Variants in C15orf62 observed in about 807,000 individuals in gnomAD.
C15orf62 encodes chromosome 15 open reading frame 62.
In C15orf62, 11 loss-of-function variants were observed where a neutral mutation model predicts 13.2. The observed-to-expected ratio is 0.83, with a 90% CI of 0.52 to 1.38. The LOEUF (loss-of-function observed/expected upper bound fraction) is 1.38, where lower values mean the gene tolerates loss of function less well. C15orf62 is among the 40% of genes most tolerant of loss of function. The pLI is 0.00. For synonymous variants in C15orf62, 88 were observed against 95.6 expected (o/e 0.92, Z 0.46); for missense variants, 204 against 229.1 (o/e 0.89, Z 0.71).
Position 40,770,485 on chromosome 15 carries a change from C to T in C15orf62, c.-11C>T. The T allele has an allele frequency of 6.5e-7, 1 of 1,544,916 alleles. No homozygotes were observed. The highest frequency in any genetic ancestry group is 8.7e-7 in the Non-Finnish European group (1 of 1,144,456). On this transcript the variant is annotated 5_prime_UTR_variant, in exon 1 of 1. Coordinates refer to ENST00000344320, the MANE Select transcript of C15orf62 (RefSeq NM_001130448.3). The surrounding 1 kb of genome is among the most constrained non-coding windows in gnomAD (Gnocchi z 5.0). ...CTCCTGAACACCTGTCTGCTGGCTC[C>T]CCTGGGCCCCATGGAGACCTGGCGG...
Position 40,770,907 on chromosome 15 carries a change from C to G in C15orf62, c.412C>G (p.Pro138Ala). ...LVDTPCFQRTPTPDLSDPFLS... is the reference protein window; with the variant it reads ...LVDTPCFQRTATPDLSDPFLS... ...GGACACTCCCTGCTTCCAGAGGACACCTACCCCAGACCTCAGTGATCCCTT... is the reference window on the plus strand; with the variant it reads ...GGACACTCCCTGCTTCCAGAGGACAGCTACCCCAGACCTCAGTGATCCCTT... Residue 138 changes from proline to alanine, a missense_variant, in exon 1 of 1, where the codon CCT (proline) becomes GCT (alanine). Physicochemically the swap from Pro to Ala is conservative, Grantham distance 27. Transcript: ENST00000344320. This position sits in a 1 kb window ranked among gnomAD's most constrained non-coding sequence, Gnocchi z 5.0. 2 of 1,551,518 alleles carry G rather than the reference C, an allele frequency of 1.3e-6. No individual in the cohort carries two copies. Among genetic ancestry groups the G allele is most frequent in the Non-Finnish European group, 1.7e-6 (2 of 1,147,006 alleles).
chr15:40,770,792 AC>A lies in C15orf62; in HGVS notation c.299del (p.Pro100LeufsTer66). Reference sequence around the variant, plus strand: ...GCTGCCCCAACATCCTGGAGCCCCCACCTGCCTACACAGCAGCCTACTCTGC... The same window carrying A: ...GCTGCCCCAACATCCTGGAGCCCCCACTGCCTACACAGCAGCCTACTCTGC... ...SSCPNILEPP[P>X]AYTAAYSATL... On this transcript the variant is annotated frameshift_variant, in exon 1 of 1. Coordinates refer to ENST00000344320, the MANE Select transcript of C15orf62 (RefSeq NM_001130448.3). LOFTEE classifies it high-confidence loss of function. The surrounding 1 kb of genome is among the most constrained non-coding windows in gnomAD (Gnocchi z 5.0). 1.3e-6 allele frequency: 2 copies of A among 1,547,184 alleles called. No individual in the cohort carries two copies. Among genetic ancestry groups the A allele is most frequent in the South Asian group, 1.2e-5 (1 of 83,924 alleles).
In C15orf62 at chr15:40,771,049, G is replaced by A; in HGVS notation, c.*26G>A. On this transcript the variant is annotated 3_prime_UTR_variant, in exon 1 of 1. Coordinates refer to ENST00000344320, the MANE Select transcript of C15orf62 (RefSeq NM_001130448.3). ...ATGGGGTGAGGGTGGGCAAAGCCGGGGTGACTGGAAGATCCAGAGGCTGGG... is the reference window on the plus strand; with the variant it reads ...ATGGGGTGAGGGTGGGCAAAGCCGGAGTGACTGGAAGATCCAGAGGCTGGG... 1 of 1,544,084 alleles carries A rather than the reference G, an allele frequency of 6.5e-7. No homozygotes were observed.
At position 40,771,365 on chromosome 15, in the gene C15orf62, G is replaced by C; in HGVS notation, c.*342G>C. ...TGCGGCACTACAGGAACCAGGTAGA[G>C]GCTGGCAGAGCCAGAAGGTGGCACG... On this transcript the variant is annotated 3_prime_UTR_variant, in exon 1 of 1. Coordinates refer to ENST00000344320, the MANE Select transcript of C15orf62 (RefSeq NM_001130448.3). The C allele has an allele frequency of 3.1e-6, 1 of 326,336 alleles. No homozygotes were observed. Among genetic ancestry groups the C allele is most frequent in the Non-Finnish European group, 6.0e-6 (1 of 165,432 alleles). The allele number at this position is 326,336 out of a possible 1,614,324, so 20.2% of individuals were successfully genotyped here.
chr15:40,770,807 AG>A lies in C15orf62; in HGVS notation c.313del (p.Ala105ProfsTer61). 6.5e-7 allele frequency: 1 copy of A among 1,550,100 alleles called. No individual in the cohort carries two copies. The highest frequency in any genetic ancestry group is 1.2e-5 in the South Asian group (1 of 84,036). Reference sequence around the variant, plus strand: ...TGGAGCCCCCACCTGCCTACACAGCAGCCTACTCTGCCACCCTGCCATCGGC... The same window carrying A: ...TGGAGCCCCCACCTGCCTACACAGCACCTACTCTGCCACCCTGCCATCGGC... ...ILEPPPAYTA[A>X]YSATLPSALS... On this transcript the variant is annotated frameshift_variant, in exon 1 of 1. Transcript: ENST00000344320. LOFTEE classifies it high-confidence loss of function. The surrounding 1 kb of genome is among the most constrained non-coding windows in gnomAD (Gnocchi z 5.0).
chr15:40,770,906 A>AC lies in C15orf62; in HGVS notation c.413dup (p.Thr139TyrfsTer6). On this transcript the variant is annotated frameshift_variant, in exon 1 of 1. Transcript: ENST00000344320. LOFTEE classifies it high-confidence loss of function. This position sits in a 1 kb window ranked among gnomAD's most constrained non-coding sequence, Gnocchi z 5.0. ...TGGACACTCCCTGCTTCCAGAGGAC[A>AC]CCTACCCCAGACCTCAGTGATCCCT... is the stretch of plus-strand genomic sequence containing the variant. 1 of 1,551,414 alleles carries AC rather than the reference A, an allele frequency of 6.4e-7. No homozygotes were observed. The highest frequency in any genetic ancestry group is 8.7e-7 in the Non-Finnish European group (1 of 1,146,994).
chr15:40,770,462 C>T lies in C15orf62; in HGVS notation c.-34C>T, dbSNP rs1301812507. Reference sequence around the variant, plus strand: ...AGGGACCACATGCACCCTGGCTGCTCCTGAACACCTGTCTGCTGGCTCCCC... The same window carrying T: ...AGGGACCACATGCACCCTGGCTGCTTCTGAACACCTGTCTGCTGGCTCCCC... On this transcript the variant is annotated 5_prime_UTR_variant, in exon 1 of 1. Transcript: ENST00000344320. This position sits in a 1 kb window ranked among gnomAD's most constrained non-coding sequence, Gnocchi z 5.0. The T allele has an allele frequency of 3.3e-6, 5 of 1,525,728 alleles. No individual in the cohort carries two copies. The Admixed American group carries it at 8.3e-5, about 25-fold the overall frequency. 94.5% of individuals were successfully genotyped at this position (1,525,728 alleles called of 1,614,324 possible).
chr15:40,770,456 G>GCTGCTCCTGAACACCTGT lies in C15orf62; in HGVS notation c.-34_-17dup. 2 of 1,517,136 alleles carry GCTGCTCCTGAACACCTGT rather than the reference G, an allele frequency of 1.3e-6. No homozygotes were observed. Among genetic ancestry groups the GCTGCTCCTGAACACCTGT allele is most frequent in the Non-Finnish European group, 1.8e-6 (2 of 1,132,036 alleles). 94.0% of individuals were successfully genotyped at this position (1,517,136 alleles called of 1,614,324 possible). On this transcript the variant is annotated 5_prime_UTR_variant, in exon 1 of 1. Coordinates refer to ENST00000344320, the MANE Select transcript of C15orf62 (RefSeq NM_001130448.3). This position sits in a 1 kb window ranked among gnomAD's most constrained non-coding sequence, Gnocchi z 5.0. ...CCCAGCAGGGACCACATGCACCCTG[G>GCTGCTCCTGAACACCTGT]CTGCTCCTGAACACCTGTCTGCTGG...
chr15:40,770,480 G>A lies in C15orf62; in HGVS notation c.-16G>A, dbSNP rs1230213279. ...GGCTGCTCCTGAACACCTGTCTGCTGGCTCCCCTGGGCCCCATGGAGACCT... is the reference window on the plus strand; with the variant it reads ...GGCTGCTCCTGAACACCTGTCTGCTAGCTCCCCTGGGCCCCATGGAGACCT... On this transcript the variant is annotated 5_prime_UTR_variant, in exon 1 of 1. Coordinates refer to ENST00000344320, the MANE Select transcript of C15orf62 (RefSeq NM_001130448.3). This position sits in a 1 kb window ranked among gnomAD's most constrained non-coding sequence, Gnocchi z 5.0. 1.3e-6 allele frequency: 2 copies of A among 1,539,904 alleles called. No individual in the cohort carries two copies. Among genetic ancestry groups the A allele is most frequent in the South Asian group, 1.2e-5 (1 of 82,662 alleles).
chr15:40,770,521 T>C lies in C15orf62; in HGVS notation c.26T>C (p.Phe9Ser). The change falls in exon 1 of 1, where the codon TTC becomes TCC. Residue 9 changes from phenylalanine to serine, a missense_variant. Transcript: ENST00000344320. The surrounding 1 kb of genome is among the most constrained non-coding windows in gnomAD (Gnocchi z 5.0). ...ATGGAGACCTGGCGGAAAGGCTCCTTCCGCAACGCCTCCTTCTTCAAGCAG... is the reference window on the plus strand; with the variant it reads ...ATGGAGACCTGGCGGAAAGGCTCCTCCCGCAACGCCTCCTTCTTCAAGCAG... METWRKGSFRNASFFKQLS... is the reference protein window; with the variant it reads METWRKGSSRNASFFKQLS... 1 of 1,550,320 alleles carries C rather than the reference T, an allele frequency of 6.5e-7. No individual in the cohort carries two copies. Among genetic ancestry groups the C allele is most frequent in the South Asian group, 1.2e-5 (1 of 84,042 alleles).
In C15orf62 at chr15:40,771,012, C is replaced by T. The variant is rs1329205253; in HGVS notation, c.517C>T (p.Pro173Ser). 1 of 1,550,572 alleles carries T rather than the reference C, an allele frequency of 6.4e-7. No homozygotes were observed. Among genetic ancestry groups the T allele is most frequent in the Admixed American group, 2.0e-5 (1 of 50,992 alleles). ...QMLREQFPSE[P>S]SF The stretch of plus-strand genomic sequence containing the variant: ...GCTAAGGGAGCAGTTTCCTAGCGAG[C>T]CCAGCTTCTAAATGGGGTGAGGGTG... Residue 173 changes from proline to serine, a missense_variant, in exon 1 of 1, where the codon CCC (proline) becomes TCC (serine). Pro to Ser is a moderately conservative substitution (Grantham distance 74, BLOSUM62 -1). Coordinates refer to ENST00000344320, the MANE Select transcript of C15orf62 (RefSeq NM_001130448.3).
In C15orf62 at chr15:40,771,098, G is replaced by A. The variant is rs1040192289; in HGVS notation, c.*75G>A. On this transcript the variant is annotated 3_prime_UTR_variant, in exon 1 of 1. Transcript: ENST00000344320. ...GGGATTAAGGAAAGGACAGGGACAG[G>A]ACTCCAGGCCCATCGCTGGAGGGTT... is the stretch of plus-strand genomic sequence containing the variant. The A allele has an allele frequency of 2.7e-5, 38 of 1,382,128 alleles. No individual in the cohort carries two copies. Among genetic ancestry groups the A allele is most frequent in the Non-Finnish European group, 3.6e-5 (36 of 1,011,774 alleles). The allele number at this position is 1,382,128 out of a possible 1,614,324, so 85.6% of individuals were successfully genotyped here.
rs1889104521 is a variant in C15orf62 at position 40,770,618 on chromosome 15, G to A, written c.123G>A (p.Gly41=). The A allele has an allele frequency of 6.4e-7, 1 of 1,550,644 alleles. No individual in the cohort carries two copies. The highest frequency in any genetic ancestry group is 1.4e-5 in the African/African-American group (1 of 73,180). Residue 41 remains glycine (G), a synonymous_variant, in exon 1 of 1, where the codon GGG becomes GGA. Transcript: ENST00000344320. This position sits in a 1 kb window ranked among gnomAD's most constrained non-coding sequence, Gnocchi z 5.0. ...SVLSQASTAG[G]DHEEYSNREV... ...TTAGCCAGGCCAGCACAGCAGGTGG[G>A]GACCACGAGGAGTACAGCAACCGAG...
chr15:40,771,073 G>A lies in C15orf62; in HGVS notation c.*50G>A, dbSNP rs1458601913. On this transcript the variant is annotated 3_prime_UTR_variant, in exon 1 of 1. Coordinates refer to ENST00000344320, the MANE Select transcript of C15orf62 (RefSeq NM_001130448.3). ...GGGTGACTGGAAGATCCAGAGGCTG[G>A]GGATTAAGGAAAGGACAGGGACAGG... The A allele has an allele frequency of 1.3e-6, 2 of 1,515,922 alleles. No homozygotes were observed. Among genetic ancestry groups the A allele is most frequent in the Admixed American group, 4.0e-5 (2 of 49,666 alleles). The allele number at this position is 1,515,922 out of a possible 1,614,324, so 93.9% of individuals were successfully genotyped here.
Position 40,771,841 on chromosome 15 carries a change from G to C in C15orf62, c.*818G>C, listed in dbSNP as rs1272725975. 6.0e-6 allele frequency: 1 copy of C among 167,212 alleles called. No individual in the cohort carries two copies. Among genetic ancestry groups the C allele is most frequent in the Non-Finnish European group, 1.5e-5 (1 of 68,238 alleles). The allele number at this position is 167,212 out of a possible 1,614,324, so 10.4% of individuals were successfully genotyped here. A position where few individuals can be genotyped will look rare whatever the true frequency, so the allele number is the denominator to read the frequency against. On this transcript the variant is annotated 3_prime_UTR_variant, in exon 1 of 1. Transcript: ENST00000344320. ...GGGCTGGCCACATAGGAAGAGATAG[G>C]TAGAGATAGAGTATAACTCAGGAAA...
chr15:40,770,833 C>CCACCCTGCCACCCT lies in C15orf62; in HGVS notation c.338_339insCACCCTGCCACCCT (p.Leu114ThrfsTer57). 6.4e-7 allele frequency: 1 copy of CCACCCTGCCACCCT among 1,551,320 alleles called. No homozygotes were observed. The highest frequency in any genetic ancestry group is 1.4e-5 in the African/African-American group (1 of 73,170). ...GCCTACTCTGCCACCCTGCCATCGG[C>CCACCCTGCCACCCT]GCTCTCTCTGTCGAGTGCCCTCCAC... On this transcript the variant is annotated frameshift_variant, in exon 1 of 1. Transcript: ENST00000344320. LOFTEE classifies it high-confidence loss of function. The surrounding 1 kb of genome is among the most constrained non-coding windows in gnomAD (Gnocchi z 5.0).
chr15:40,771,107 CCCAT>C lies in C15orf62; in HGVS notation c.*86_*89del. 2 of 1,295,556 alleles carry C rather than the reference CCCAT, an allele frequency of 1.5e-6. No individual in the cohort carries two copies. Among genetic ancestry groups the C allele is most frequent in the Non-Finnish European group, 2.1e-6 (2 of 938,634 alleles). The allele number at this position is 1,295,556 out of a possible 1,614,324, so 80.3% of individuals were successfully genotyped here. A position where few individuals can be genotyped will look rare whatever the true frequency, so the allele number is the denominator to read the frequency against. Reference sequence around the variant, plus strand: ...GAAAGGACAGGGACAGGACTCCAGGCCCATCGCTGGAGGGTTCAGGCAGGCAGAG... The same window carrying C: ...GAAAGGACAGGGACAGGACTCCAGGCCGCTGGAGGGTTCAGGCAGGCAGAG... On this transcript the variant is annotated 3_prime_UTR_variant, in exon 1 of 1. Coordinates refer to ENST00000344320, the MANE Select transcript of C15orf62 (RefSeq NM_001130448.3).
rs1030361611 is a variant in C15orf62, at chr15:40,771,852, G to A, written c.*829G>A. Reference sequence around the variant, plus strand: ...ATAGGAAGAGATAGGTAGAGATAGAGTATAACTCAGGAAAAAGACCAGGCA... The same window carrying A: ...ATAGGAAGAGATAGGTAGAGATAGAATATAACTCAGGAAAAAGACCAGGCA... On this transcript the variant is annotated 3_prime_UTR_variant, in exon 1 of 1. Coordinates refer to ENST00000344320, the MANE Select transcript of C15orf62 (RefSeq NM_001130448.3). The A allele has an allele frequency of 6.0e-6, 1 of 167,152 alleles. No individual in the cohort carries two copies. Among genetic ancestry groups the A allele is most frequent in the Non-Finnish European group, 1.5e-5 (1 of 68,186 alleles). 10.4% of individuals were successfully genotyped at this position (167,152 alleles called of 1,614,324 possible). A position where few individuals can be genotyped will look rare whatever the true frequency, so the allele number is the denominator to read the frequency against.
Position 40,770,343 on chromosome 15 carries a change from T to G in C15orf62, c.-153T>G. The G allele has an allele frequency of 2.7e-6, 2 of 734,698 alleles. No homozygotes were observed. The highest frequency in any genetic ancestry group is 3.8e-5 in the South Asian group (2 of 52,020). 45.5% of individuals were successfully genotyped at this position (734,698 alleles called of 1,614,324 possible). A position where few individuals can be genotyped will look rare whatever the true frequency, so the allele number is the denominator to read the frequency against. Reference sequence around the variant, plus strand: ...TTCTTCCTGAGCCCTCCTCTCACCATCCAAGATGTGGTCAAAGGTCTGTGC... The same window carrying G: ...TTCTTCCTGAGCCCTCCTCTCACCAGCCAAGATGTGGTCAAAGGTCTGTGC... On this transcript the variant is annotated 5_prime_UTR_variant, in exon 1 of 1. Transcript: ENST00000344320. This position sits in a 1 kb window ranked among gnomAD's most constrained non-coding sequence, Gnocchi z 5.0.
Sources: allele counts gnomAD v4.1 joint callset, GRCh38; gene constraint gnomAD v4.1.1; non-coding constraint Gnocchi (gnomAD v3.1); transcripts MANE v1.5; gene names NCBI Gene and HGNC (gene_info 2026-07-23, HGNC 2026-07-21).